ATP8A1: variants seen among roughly 807,000 people sequenced by gnomAD.
The protein encoded by ATP8A1 is phospholipid-transporting ATPase IA.
Under a neutral mutation model 177.7 loss-of-function variants are expected in ATP8A1, and 90 were observed. The observed-to-expected ratio is 0.51, with a 90% CI of 0.43 to 0.60. ATP8A1 has a LOEUF of 0.60. Ranked by LOEUF, ATP8A1 falls within the 20% of genes least tolerant of loss-of-function variation. The pLI, the probability that ATP8A1 is intolerant of heterozygous loss-of-function variation, is 0.00. For missense variants in ATP8A1, 1,072 were observed against 1,392.8 expected (o/e 0.77, Z 3.67); for synonymous variants, 493 against 485.9 (o/e 1.01, Z -0.19).
At chr4:42,471,371 C>A (rs949145269) in intron 25 of ATP8A1, among the ~76,000 whole-genome samples, 5 of 152,104 alleles carry the variant, frequency 3.3e-5, no homozygotes, top group Non-Finnish European at 2.9e-5. Context: ...ATACAGATAG[C>A]CTTTCCATAG....
chr4:42,452,238 T>A (rs1718007274), intron 29 of ATP8A1, among the ~76,000 whole-genome samples, 179 bp from the exon 30 acceptor site: 1 of 152,246 alleles, frequency 6.6e-6, no homozygotes, highest in Non-Finnish European at 1.5e-5. Context: ...CATTTATTTA[T>A]TTTTATGTTT....
intron 25 of ATP8A1, among the ~76,000 whole-genome samples, chr4:42,477,477 T>C (rs1721192654): frequency 6.6e-6 from 1 of 152,162 alleles, no homozygotes; most frequent in African/African-American, 2.4e-5. Context: ...AGCAATCCCA[T>C]ACCCATCCCC....
intron 1 of ATP8A1, among the ~76,000 whole-genome samples, chr4:42,650,032 T>C (rs1042073272): frequency 3.9e-5 from 6 of 152,210 alleles, no homozygotes; most frequent in African/African-American, 9.6e-5. Flanking sequence ...CTTCATGTCA[T>C]TGACATTCCA....
chr4:42,508,080 G>A (rs2153194642), intron 22 of ATP8A1, among the ~76,000 whole-genome samples: 1 of 152,190 alleles, frequency 6.6e-6, no homozygotes, highest in East Asian at 1.9e-4. Flanking sequence ...ATATTGTCTT[G>A]TACCATAAGA....
At chr4:42,521,192 A>G (rs573606142) in intron 22 of ATP8A1, among the ~76,000 whole-genome samples, 4 of 152,366 alleles carry the variant, frequency 2.6e-5, no homozygotes, top group Admixed American at 1.3e-4. Context: ...CAATACAAAC[A>G]TGAGTGCTAT....
chr4:42,612,869 CATAAG>C (rs1736511671), intron 5 of ATP8A1, among the ~76,000 whole-genome samples: 1 of 152,144 alleles, frequency 6.6e-6, no homozygotes, highest in Admixed American at 6.5e-5. Flanking sequence ...TGATGCCTCA[CATAAG>C]GAGAGAAAAT....
chr4:42,504,325 C>G (rs757718535), intron 23 of ATP8A1, among the ~76,000 whole-genome samples: 17 of 152,224 alleles, frequency 1.1e-4, no homozygotes, highest in Non-Finnish European at 1.9e-4. Context: ...ATCTCAAAGT[C>G]AGCCTACTCA....
At chr4:42,461,660 A>G (rs1719173580) in intron 27 of ATP8A1, among the ~76,000 whole-genome samples, 1 of 152,202 alleles carries the variant, frequency 6.6e-6, no homozygotes, top group Non-Finnish European at 1.5e-5. Context: ...GACTAATACA[A>G]TAAATTGGTA....
At chr4:42,615,966 T>C in intron 5 of ATP8A1, 67 bp downstream of exon 5, 1 of 1,383,016 alleles carries the variant, frequency 7.2e-7, no homozygotes, top group Admixed American at 1.9e-5. Flanking sequence ...TTATATGTAA[T>C]TGAAGTGTTT....
chr4:42,436,522 C>T (rs574304846), intron 33 of ATP8A1, among the ~76,000 whole-genome samples: 1 of 152,326 alleles, frequency 6.6e-6, no homozygotes, highest in East Asian at 1.9e-4. Context: ...ACAAAATGGG[C>T]TTGGAAGTGG....
At chr4:42,630,597 A>G (rs1414513651) in intron 1 of ATP8A1, among the ~76,000 whole-genome samples, 1 of 152,180 alleles carries the variant, frequency 6.6e-6, no homozygotes, top group Admixed American at 6.5e-5. Context: ...GCTCTTTGGT[A>G]TCTCTCTCAG....
intron 25 of ATP8A1, 73 bp downstream of exon 25, chr4:42,485,423 T>C (rs1215657136): frequency 9.4e-6 from 13 of 1,378,486 alleles, no homozygotes; most frequent in Middle Eastern, 1.9e-4. Context: ...ATTACTTTCA[T>C]TGACGTTTAT....
intron 7 of ATP8A1, among the ~76,000 whole-genome samples, chr4:42,589,484 T>A (rs1733944808): frequency 6.6e-6 from 1 of 152,198 alleles, no homozygotes; most frequent in African/African-American, 2.4e-5. Flanking sequence ...TTGTGAAAAT[T>A]GCTTAAACAC....
chr4:42,432,601 G>T (rs1396049471), intron 33 of ATP8A1, among the ~76,000 whole-genome samples: 1 of 152,178 alleles, frequency 6.6e-6, no homozygotes, highest in Non-Finnish European at 1.5e-5. Context: ...AGTTGGGCAT[G>T]GGGTTGAACT....
At chr4:42,647,007 G>A (rs6830665) in intron 1 of ATP8A1, among the ~76,000 whole-genome samples, 33,976 of 151,900 alleles carry the variant, frequency 0.22, 3,948 homozygotes, top group Admixed American at 0.29. Context: ...GACATGGCAG[G>A]GTGTTTTATT....
intron 15 of ATP8A1, among the ~76,000 whole-genome samples, chr4:42,565,598 G>A (rs6447170): frequency 0.88 from 134,763 of 152,280 alleles, 60,071 homozygotes; most frequent in East Asian, 0.97. Flanking sequence ...TTACTTGAAC[G>A]ATTATCAACA....
intron 23 of ATP8A1, among the ~76,000 whole-genome samples, chr4:42,503,933 C>A (rs1019548067): frequency 2.6e-5 from 4 of 152,312 alleles, no homozygotes; most frequent in Admixed American, 1.3e-4. Context: ...ATCCCATCAC[C>A]ATCTCCCTTC....
rs143854937 is a variant in ATP8A1, at chr4:42,567,924, G to GAT, written c.1340+1235_1340+1236dup. 1.8e-4 allele frequency among the ~76,000 whole-genome samples: 28 copies of GAT among 152,044 alleles called. No homozygotes were observed. In the East Asian group the frequency reaches 4.8e-3, roughly 26 times the overall value. On this transcript the variant is annotated intron_variant, in intron 15 of 36. Transcript: ENST00000381668. Reference sequence around the variant, plus strand: ...TAGGAATAACTGAGTTATTTTAGAGGATATATATATCACTTCTATGCTAAT... The same window carrying GAT: ...TAGGAATAACTGAGTTATTTTAGAGGATATATATATATCACTTCTATGCTAAT...
chr4:42,601,387 CAGA>C (rs10571726), intron 5 of ATP8A1, among the ~76,000 whole-genome samples: 26,541 of 147,060 alleles, frequency 0.18, 2,977 homozygotes, highest in East Asian at 0.44. Flanking sequence ...AAAAAAAAGG[CAGA>C]AGAAGAGGCT....
Sources: gnomAD v4.1 joint callset for allele counts (sites outside exome capture counted in the v4.1 genomes callset) on GRCh38, gnomAD v4.1.1 for gene constraint, MANE v1.5 for transcripts, NCBI Gene and HGNC (gene_info 2026-07-23, HGNC 2026-07-21) for gene names.